SMCR8: variants seen among roughly 807,000 people sequenced by gnomAD.
The protein encoded by SMCR8 is guanine nucleotide exchange protein SMCR8.
SMCR8 carries 30 observed loss-of-function variants against 56.6 expected under a neutral mutation model. That is an observed-to-expected ratio of 0.53 (90% CI 0.40 to 0.72). The LOEUF is 0.72. Among genes scored for constraint, SMCR8 ranks in the 30% least tolerant of loss-of-function variants. SMCR8 has a pLI of 0.00. For synonymous variants in SMCR8, 538 were observed against 456.0 expected (o/e 1.18, Z -2.29); for missense variants, 1,198 against 1,157.0 (o/e 1.04, Z -0.51).
rs1364120294 is a variant in SMCR8, at chr17:18,316,366, G to T, written c.577G>T (p.Gly193Trp). Residue 193 changes from glycine to tryptophan, a missense_variant, in exon 1 of 2, where the codon GGG becomes TGG. Physicochemically the swap from Gly to Trp is radical, Grantham distance 184 (BLOSUM62 -2). Coordinates refer to ENST00000406438, the MANE Select transcript of SMCR8 (RefSeq NM_144775.3). ...GACTGGCAACAGGAAGGCATTTGCT[G>T]GGGAACTTGAAAAAAAGCTGAAAGA... is the stretch of plus-strand genomic sequence containing the variant. ...LKTGNRKAFA[G>W]ELEKKLKDLD... 6.2e-7 allele frequency: 1 copy of T among 1,614,114 alleles called. No homozygotes were observed. The highest frequency in any genetic ancestry group is 8.5e-7 in the Non-Finnish European group (1 of 1,180,026).
chr17:18,325,524 T>C lies in SMCR8; in HGVS notation c.*2454T>C, dbSNP rs180907178. The C allele has an allele frequency of 4.5e-4, 69 of 152,310 alleles. No homozygotes were observed. The highest frequency in any genetic ancestry group is 1.6e-3 in the African/African-American group (68 of 41,562). The allele number at this position is 152,310 out of a possible 1,614,324, so 9.4% of individuals were successfully genotyped here. A position where few individuals can be genotyped will look rare whatever the true frequency, so the allele number is the denominator to read the frequency against. ...TTTAGCTCCCAGATTTATATTTGGG[T>C]TAAAAACTAACTTTTCAATGTGGCA... On this transcript the variant is annotated 3_prime_UTR_variant, in exon 2 of 2. Coordinates refer to ENST00000406438, the MANE Select transcript of SMCR8 (RefSeq NM_144775.3).
Position 18,315,612 on chromosome 17 carries a change from G to C in SMCR8, c.-178G>C. On this transcript the variant is annotated 5_prime_UTR_variant, in exon 1 of 2. Transcript: ENST00000406438. ...CCGGAGGAGCTACAACTGTGAGGGG[G>C]CTGCTAGAGTTCTTCTCCTCGGGTG... The C allele has an allele frequency of 1.7e-6, 1 of 590,778 alleles. No individual in the cohort carries two copies. The highest frequency in any genetic ancestry group is 1.9e-5 in the African/African-American group (1 of 54,006). 36.6% of individuals were successfully genotyped at this position (590,778 alleles called of 1,614,324 possible).
rs374947089 is a variant in SMCR8, at chr17:18,317,043, C to T, written c.1254C>T (p.Tyr418=). 2 of 1,614,012 alleles carry T rather than the reference C, an allele frequency of 1.2e-6. No homozygotes were observed. Among genetic ancestry groups the T allele is most frequent in the Non-Finnish European group, 1.7e-6 (2 of 1,180,036 alleles). Residue 418 remains tyrosine, a synonymous_variant, in exon 1 of 2, where the codon TAC becomes TAT. Transcript: ENST00000406438. ...IPKVLISVGS[Y]KSSVESVLIK... is the part of the protein sequence containing the mutation. ...AAGTGTTAATTAGTGTTGGTTCTTA[C>T]AAGTCCAGTGTGGAGTCTGTGTTGA...
In SMCR8 at chr17:18,317,849, A is replaced by C; in HGVS notation, c.2060A>C (p.Asp687Ala). The C allele has an allele frequency of 1.2e-6, 2 of 1,614,180 alleles. No individual in the cohort carries two copies. The highest frequency in any genetic ancestry group is 1.6e-4 in the Middle Eastern group (1 of 6,062). Residue 687 changes from aspartate (D) to alanine (A), a missense_variant, in exon 1 of 2, where the codon GAC becomes GCC. Asp to Ala is a moderately radical substitution (Grantham distance 126). Transcript: ENST00000406438. ...AGCAGTGTAGCGTCCACCAGCTCAG[A>C]CAGGATCCCCTCTGCTTATCCTGCT... The part of the protein sequence containing the change: ...YVSSVASTSS[D>A]RIPSAYPAGL...
Position 18,318,094 on chromosome 17 carries a change from T to C in SMCR8, c.2305T>C (p.Ser769Pro). 1 of 1,614,172 alleles carries C rather than the reference T, an allele frequency of 6.2e-7. No individual in the cohort carries two copies. Among genetic ancestry groups the C allele is most frequent in the Non-Finnish European group, 8.5e-7 (1 of 1,180,022 alleles). Residue 769 changes from serine (S) to proline (P), a missense_variant, in exon 1 of 2, where the codon TCC becomes CCC. Transcript: ENST00000406438. ...CGCTAAGCCCGTGAAACATTGGGCC[T>C]CCTCCCCTTTGCACATTATGGATTT... ...CYAKPVKHWA[S>P]SPLHIMDFQK...
At position 18,323,306 on chromosome 17, in the gene SMCR8, T is replaced by C. The variant is rs1982559277; in HGVS notation, c.*236T>C. 1 of 516,692 alleles carries C rather than the reference T, an allele frequency of 1.9e-6. No individual in the cohort carries two copies. Among genetic ancestry groups the C allele is most frequent in the Admixed American group, 3.3e-5 (1 of 30,414 alleles). The allele number at this position is 516,692 out of a possible 1,614,324, so 32.0% of individuals were successfully genotyped here. A position where few individuals can be genotyped will look rare whatever the true frequency, so the allele number is the denominator to read the frequency against. ...CTACATTTGGCTCCCTGGTGAAGAGTGGCCCCTGGATATGGAGGGGGCCTT... is the reference window on the plus strand; with the variant it reads ...CTACATTTGGCTCCCTGGTGAAGAGCGGCCCCTGGATATGGAGGGGGCCTT... On this transcript the variant is annotated 3_prime_UTR_variant, in exon 2 of 2. Coordinates refer to ENST00000406438, the MANE Select transcript of SMCR8 (RefSeq NM_144775.3).
chr17:18,326,576 CCTT>C lies in SMCR8; in HGVS notation c.*3510_*3512del, dbSNP rs1350842396. 2 of 152,262 alleles carry C rather than the reference CCTT, an allele frequency of 1.3e-5. No homozygotes were observed. The highest frequency in any genetic ancestry group is 2.9e-5 in the Non-Finnish European group (2 of 68,044). 9.4% of individuals were successfully genotyped at this position (152,262 alleles called of 1,614,324 possible). A position where few individuals can be genotyped will look rare whatever the true frequency, so the allele number is the denominator to read the frequency against. ...CCTTTCATTCCCCATCTGGCCTTTA[CCTT>C]CTTTGCTTCAGTGGTTGAAAACAGT... On this transcript the variant is annotated 3_prime_UTR_variant, in exon 2 of 2. Transcript: ENST00000406438.
At chr17:18,320,539 G>A (rs764298089) in intron 1 of SMCR8, among the ~76,000 whole-genome samples, 26 of 152,204 alleles carry the variant, frequency 1.7e-4, no homozygotes, top group Non-Finnish European at 1.8e-4. Context: ...CTGGATGTGC[G>A]GAGCTTGGGA....
In SMCR8 at chr17:18,325,346, A is replaced by C. The variant is rs1982620223; in HGVS notation, c.*2276A>C. ...GAGGTATTTGCTGGCACACACCCTC[A>C]AGGGTGGTTCAGAAGGTCCTGAAAC... On this transcript the variant is annotated 3_prime_UTR_variant, in exon 2 of 2. Transcript: ENST00000406438. 1 of 152,220 alleles carries C rather than the reference A, an allele frequency of 6.6e-6. No homozygotes were observed. The highest frequency in any genetic ancestry group is 2.4e-5 in the African/African-American group (1 of 41,446). The allele number at this position is 152,220 out of a possible 1,614,324, so 9.4% of individuals were successfully genotyped here.
Position 18,316,077 on chromosome 17 carries a change from T to C in SMCR8, c.288T>C (p.Ser96=). 1.2e-6 allele frequency: 2 copies of C among 1,614,182 alleles called. No homozygotes were observed. Among genetic ancestry groups the C allele is most frequent in the Non-Finnish European group, 1.7e-6 (2 of 1,180,040 alleles). Residue 96 remains serine, a synonymous_variant, in exon 1 of 2, where the codon TCT becomes TCC. Coordinates refer to ENST00000406438, the MANE Select transcript of SMCR8 (RefSeq NM_144775.3). ...DLNYFSLRIM[S]VDYQASFVGH... is the part of the protein sequence containing the mutation. ...ATTACTTCTCCCTGCGTATCATGTC[T>C]GTGGATTACCAGGCTTCCTTCGTGG...
At chr17:18,321,659 GC>G (rs1982501319) in intron 1 of SMCR8, among the ~76,000 whole-genome samples, 1 of 152,034 alleles carries the variant, frequency 6.6e-6, no homozygotes, top group Admixed American at 6.5e-5. Context: ...GGGAAACATA[GC>G]AAACTTCCAT....
chr17:18,316,185 C>A lies in SMCR8; in HGVS notation c.396C>A (p.Ala132=). The change falls in exon 1 of 2, where the codon GCC becomes GCA. Residue 132 remains alanine (A), a synonymous_variant. Transcript: ENST00000406438. Reference sequence around the variant, plus strand: ...TGCTGGGAGATTCTAAGGAGGGCGCCTTTGCATACGTGCACCACCTTACCC... The same window carrying A: ...TGCTGGGAGATTCTAAGGAGGGCGCATTTGCATACGTGCACCACCTTACCC... ...KVVLGDSKEG[A]FAYVHHLTLY... 3 of 1,614,030 alleles carry A rather than the reference C, an allele frequency of 1.9e-6. No homozygotes were observed. The highest frequency in any genetic ancestry group is 2.2e-5 in the South Asian group (2 of 91,088).
In SMCR8 at chr17:18,318,075, G is replaced by T. The variant is rs747515453; in HGVS notation, c.2286G>T (p.Lys762Asn). 6 of 1,614,118 alleles carry T rather than the reference G, an allele frequency of 3.7e-6. No homozygotes were observed. The highest frequency in any genetic ancestry group is 5.1e-6 in the Non-Finnish European group (6 of 1,180,048). ...TCCCCAGCTATGGCTGCTACGCTAAGCCCGTGAAACATTGGGCCTCCTCCC... is the reference window on the plus strand; with the variant it reads ...TCCCCAGCTATGGCTGCTACGCTAATCCCGTGAAACATTGGGCCTCCTCCC... ...IFVPSYGCYA[K>N]PVKHWASSPL... The change falls in exon 1 of 2, where the codon AAG (lysine) becomes AAT (asparagine). Residue 762 changes from lysine to asparagine, a missense_variant. Coordinates refer to ENST00000406438, the MANE Select transcript of SMCR8 (RefSeq NM_144775.3).
chr17:18,315,699 C>T lies in SMCR8; in HGVS notation c.-91C>T, dbSNP rs948068929. 44 of 1,250,500 alleles carry T rather than the reference C, an allele frequency of 3.5e-5. No individual in the cohort carries two copies. The highest frequency in any genetic ancestry group is 4.9e-5 in the Non-Finnish European group (44 of 900,806). The allele number at this position is 1,250,500 out of a possible 1,614,324, so 77.5% of individuals were successfully genotyped here. The stretch of plus-strand genomic sequence containing the variant: ...CGCAAAGAAGGCCGTAAGGGCTTCA[C>T]TTCCTTCTCCGGAGGCCTGCCTTCT... On this transcript the variant is annotated 5_prime_UTR_variant, in exon 1 of 2. Transcript: ENST00000406438.
rs753293376 is a variant in SMCR8, at chr17:18,322,664, A to G, written c.2408A>G (p.Tyr803Cys). ...GGTACCCTCCATGCCCTGAGCCGCT[A>G]CAGCCGCTACACGAGCATCCTGGAC... The part of the protein sequence containing the change: ...GAGTLHALSR[Y>C]SRYTSILDLD... Residue 803 changes from tyrosine to cysteine, a missense_variant, in exon 2 of 2, where the codon TAC (tyrosine) becomes TGC (cysteine). By Grantham distance (194) the Tyr-to-Cys change is radical. Coordinates refer to ENST00000406438, the MANE Select transcript of SMCR8 (RefSeq NM_144775.3). 4.3e-6 allele frequency: 7 copies of G among 1,613,772 alleles called. No homozygotes were observed. The highest frequency in any genetic ancestry group is 5.9e-6 in the Non-Finnish European group (7 of 1,179,984).
In SMCR8 at chr17:18,316,485, A is replaced by G; in HGVS notation, c.696A>G (p.Lys232=). The change falls in exon 1 of 2, where the codon AAA becomes AAG. Residue 232 remains lysine (K), a synonymous_variant. Transcript: ENST00000406438. Reference sequence around the variant, plus strand: ...TTTACTCATCTCAGGCAATTGAGAAAGCCAATGAACTGGCCAGTGTGGAGA... The same window carrying G: ...TTTACTCATCTCAGGCAATTGAGAAGGCCAATGAACTGGCCAGTGTGGAGA... ...KGFYSSQAIE[K]ANELASVEKS... 6.2e-7 allele frequency: 1 copy of G among 1,614,198 alleles called. No individual in the cohort carries two copies. Among genetic ancestry groups the G allele is most frequent in the Non-Finnish European group, 8.5e-7 (1 of 1,180,046 alleles).
chr17:18,316,716 A>G lies in SMCR8; in HGVS notation c.927A>G (p.Ala309=), dbSNP rs762553742. ...CCTACACCCCAAAACTTATCAAAGCAAAGTCCACCAAGTGTTTTGACAAGA... is the reference window on the plus strand; with the variant it reads ...CCTACACCCCAAAACTTATCAAAGCGAAGTCCACCAAGTGTTTTGACAAGA... ...RPAYTPKLIK[A]KSTKCFDKKL... Residue 309 remains alanine, a synonymous_variant, in exon 1 of 2, where the codon GCA becomes GCG. Transcript: ENST00000406438. The G allele has an allele frequency of 5.0e-6, 8 of 1,614,086 alleles. No individual in the cohort carries two copies. Among genetic ancestry groups the G allele is most frequent in the Non-Finnish European group, 6.8e-6 (8 of 1,180,036 alleles).
chr17:18,316,124 AC>A lies in SMCR8; in HGVS notation c.339del (p.Lys114SerfsTer2). The A allele has an allele frequency of 6.2e-7, 1 of 1,614,068 alleles. No individual in the cohort carries two copies. Among genetic ancestry groups the A allele is most frequent in the East Asian group, 2.2e-5 (1 of 44,880 alleles). On this transcript the variant is annotated frameshift_variant, in exon 1 of 2. Transcript: ENST00000406438. LOFTEE classifies it high-confidence loss of function. ...SFVGHPPGSA[Y>X]PKLNFVEDSK... ...GTGGGCCATCCTCCTGGATCTGCCT[AC>A]CCCAAGCTGAACTTCGTGGAGGACT...
intron 1 of SMCR8, among the ~76,000 whole-genome samples, chr17:18,319,301 A>G (rs1025459376): frequency 6.6e-6 from 1 of 152,202 alleles, no homozygotes; most frequent in Non-Finnish European, 1.5e-5. Flanking sequence ...CGTTTAGTGC[A>G]TGTCCAAAAA....
Sources: allele counts gnomAD v4.1 joint callset (sites outside exome capture counted in the v4.1 genomes callset), GRCh38; gene constraint gnomAD v4.1.1; transcripts MANE v1.5; gene names NCBI Gene and HGNC (gene_info 2026-07-23, HGNC 2026-07-21).